Variants in GRIA4 observed in about 807,000 individuals in gnomAD.
GRIA4 encodes the protein glutamate receptor 4.
In GRIA4, 34 loss-of-function variants were observed where a neutral mutation model predicts 104.0. The observed-to-expected ratio is 0.33, with a 90% CI of 0.25 to 0.44. GRIA4 has a LOEUF of 0.44. Ranked by LOEUF, GRIA4 falls within the 20% of genes least tolerant of loss-of-function variation. The pLI is 1.00. For missense variants in GRIA4, 750 were observed against 1,096.5 expected, an observed-to-expected ratio of 0.68 and a Z score of 4.46; for synonymous variants, 386 against 381.9, an observed-to-expected ratio of 1.01 and a Z score of -0.13.
intron 4 of GRIA4, among the ~76,000 whole-genome samples, chr11:105,856,148 G>A (rs771931201): frequency 2.6e-5 from 4 of 151,942 alleles, no homozygotes; most frequent in Non-Finnish European, 5.9e-5. Context: ...TTCTCACCTG[G>A]ATTACTACCA....
chr11:105,812,144 T>A (rs1404484423), intron 4 of GRIA4, among the ~76,000 whole-genome samples: 1 of 152,218 alleles, frequency 6.6e-6, no homozygotes. Context: ...TTAGAACATA[T>A]TCATTTTTTT....
chr11:105,881,492 C>G (rs992709823), intron 5 of GRIA4, among the ~76,000 whole-genome samples: 1 of 152,118 alleles, frequency 6.6e-6, no homozygotes, highest in African/African-American at 2.4e-5. Context: ...CTCTGTCACC[C>G]AAAGGACCAC....
chr11:105,866,561 A>G (rs959378052), intron 5 of GRIA4, among the ~76,000 whole-genome samples: 7 of 112,972 alleles, frequency 6.2e-5, no homozygotes, highest in South Asian at 5.2e-4. Flanking sequence ...GTATATATAT[A>G]TATATATATA....
At chr11:105,674,987 G>A (rs1952489610) in intron 3 of GRIA4, among the ~76,000 whole-genome samples, 1 of 151,824 alleles carries the variant, frequency 6.6e-6, no homozygotes, top group African/African-American at 2.4e-5. Flanking sequence ...TGTAACAAGG[G>A]AAATCCCTGC....
intron 3 of GRIA4, among the ~76,000 whole-genome samples, chr11:105,674,420 T>C (rs965919709): frequency 6.6e-6 from 1 of 151,714 alleles, no homozygotes; most frequent in Admixed American, 6.6e-5. Flanking sequence ...TCTAGAAACA[T>C]ATCCGCCTCA....
At chr11:105,933,265 A>G (rs900531261) in intron 13 of GRIA4, among the ~76,000 whole-genome samples, 1 of 152,106 alleles carries the variant, frequency 6.6e-6, no homozygotes, top group African/African-American at 2.4e-5. Context: ...AAAAAAATAA[A>G]ATAAAACAAC....
At chr11:105,957,918 T>C (rs1468847663) in intron 14 of GRIA4, among the ~76,000 whole-genome samples, 2 of 152,198 alleles carry the variant, frequency 1.3e-5, no homozygotes, top group Non-Finnish European at 2.9e-5. Flanking sequence ...TGTTTGTCTG[T>C]TATTGGTGTA....
intron 3 of GRIA4, among the ~76,000 whole-genome samples, chr11:105,738,496 T>C (rs921675671): frequency 1.3e-5 from 2 of 152,190 alleles, no homozygotes; most frequent in Admixed American, 6.5e-5. Flanking sequence ...CACCAAATTC[T>C]GGATCCAAAA....
intron 3 of GRIA4, among the ~76,000 whole-genome samples, chr11:105,629,596 T>C (rs893803617): frequency 6.6e-6 from 1 of 152,188 alleles, no homozygotes; most frequent in Non-Finnish European, 1.5e-5. Context: ...AGAATTTCCA[T>C]TTTTAACGTA....
chr11:105,681,145 G>T (rs1415949060), intron 3 of GRIA4, among the ~76,000 whole-genome samples: 2 of 152,152 alleles, frequency 1.3e-5, no homozygotes, highest in African/African-American at 4.8e-5. Flanking sequence ...TCCTTGGGGA[G>T]TTCATTTGAC....
intron 14 of GRIA4, among the ~76,000 whole-genome samples, chr11:105,936,920 A>G (rs917407910): frequency 1.3e-5 from 2 of 152,140 alleles, no homozygotes; most frequent in African/African-American, 4.8e-5. Context: ...ATTTAAAACC[A>G]CTGATCTATC....
chr11:105,612,591 T>C, intron 3 of GRIA4, 157 bp downstream of exon 3: 1 of 547,544 alleles, frequency 1.8e-6, no homozygotes, highest in Non-Finnish European at 3.1e-6. Context: ...AGACTTCGTT[T>C]CAGGGATATT....
intron 4 of GRIA4, chr11:105,842,933 T>A (rs1944448887): frequency 6.6e-6 from 1 of 152,148 alleles, no homozygotes; most frequent in Non-Finnish European, 1.5e-5. Context: ...TGTTAAAGGA[T>A]TCATTTTAAT....
chr11:105,917,885 A>G (rs879425267), intron 10 of GRIA4, among the ~76,000 whole-genome samples: 1 of 150,156 alleles, frequency 6.7e-6, no homozygotes, highest in Non-Finnish European at 1.5e-5. Flanking sequence ...ATTATTAGCC[A>G]CTGATAAACT....
intron 12 of GRIA4, among the ~76,000 whole-genome samples, chr11:105,926,195 T>C (rs1245435596): frequency 6.8e-6 from 1 of 146,234 alleles, no homozygotes; most frequent in African/African-American, 2.6e-5. Flanking sequence ...CATCCCATCA[T>C]CCTGGCAGGG....
In GRIA4 at chr11:105,924,169, TTTATC is replaced by T. The variant is rs1421990849; in HGVS notation, c.1477-228_1477-224del. On this transcript the variant is annotated intron_variant, in intron 11 of 16. Transcript: ENST00000282499. ...CCACTCTTACTCTGTTTTCTATCCTTTTATCTAATTACTGGAACATATTAAAATGT... is the reference window on the plus strand; with the variant it reads ...CCACTCTTACTCTGTTTTCTATCCTTTAATTACTGGAACATATTAAAATGT... 2.6e-5 allele frequency among the ~76,000 whole-genome samples: 4 copies of T among 152,178 alleles called. No individual in the cohort carries two copies. In the South Asian group the frequency reaches 6.2e-4, roughly 24 times the overall value.
At chr11:105,625,802 C>T (rs1315612658) in intron 3 of GRIA4, among the ~76,000 whole-genome samples, 1 of 152,098 alleles carries the variant, frequency 6.6e-6, no homozygotes, top group Non-Finnish European at 1.5e-5. Context: ...TCACACTCTG[C>T]TCTTTTTTCC....
At chr11:105,740,609 G>C (rs141109779) in intron 3 of GRIA4, among the ~76,000 whole-genome samples, 55 of 152,308 alleles carry the variant, frequency 3.6e-4, no homozygotes, top group African/African-American at 1.1e-3. Flanking sequence ...ATTTCAAATA[G>C]TGGTAAGAGC....
At chr11:105,693,898 A>T (rs1184195669) in intron 3 of GRIA4, among the ~76,000 whole-genome samples, 1 of 152,164 alleles carries the variant, frequency 6.6e-6, no homozygotes, top group Non-Finnish European at 1.5e-5. Context: ...AGTAGTTATG[A>T]TTGTATGACT....
Sources: allele counts gnomAD v4.1 joint callset (sites outside exome capture counted in the v4.1 genomes callset), GRCh38; gene constraint gnomAD v4.1.1; transcripts MANE v1.5; gene names NCBI Gene and HGNC (gene_info 2026-07-23, HGNC 2026-07-21).